The following CCNJL variants were observed in gnomAD, a reference collection of about 807,000 sequenced individuals.
CCNJL encodes the protein cyclin J like, also known as cyclin-J-like protein.
A neutral mutation model predicts 33.4 loss-of-function variants in CCNJL; 33 were observed. The observed-to-expected ratio is 0.99, with a 90% confidence interval of 0.75 to 1.32. The LOEUF (loss-of-function observed/expected upper bound fraction) is 1.32, where lower values mean the gene tolerates loss of function less well. Among genes scored for constraint, CCNJL ranks in the 40% most tolerant of loss-of-function variants. CCNJL has a pLI of 0.00. For synonymous variants in CCNJL, 227 were observed against 220.9 expected (o/e 1.03, Z -0.24); for missense variants, 512 against 499.7 (o/e 1.02, Z -0.23).
chr5:160,335,250 G>A (rs1039139544), intron 1 of CCNJL, among the ~76,000 whole-genome samples: 7 of 152,164 alleles, frequency 4.6e-5, no homozygotes, highest in East Asian at 1.9e-4. Flanking sequence ...GCAAGAGAGC[G>A]AGACTCCATC....
intron 1 of CCNJL, among the ~76,000 whole-genome samples, chr5:160,334,773 C>T (rs181028484): frequency 3.3e-5 from 5 of 152,364 alleles, no homozygotes; most frequent in Admixed American, 3.3e-4. Context: ...GGCATCAGAT[C>T]CACCTGGAGG....
intron 3 of CCNJL, among the ~76,000 whole-genome samples, chr5:160,262,516 TG>T (rs1761384939): frequency 6.6e-6 from 1 of 152,198 alleles, no homozygotes; most frequent in African/African-American, 2.4e-5. Context: ...TATTTGCTTA[TG>T]TTGTAGGACC....
intron 1 of CCNJL, among the ~76,000 whole-genome samples, chr5:160,321,059 TTTC>T (rs1763453616): frequency 1.6e-5 from 2 of 126,328 alleles, no homozygotes; most frequent in African/African-American, 8.1e-5. Context: ...TCTTTCTTTC[TTTC>T]TTTCTTTCTT....
chr5:160,263,363 A>T (rs1761431809), intron 3 of CCNJL, among the ~76,000 whole-genome samples: 1 of 152,216 alleles, frequency 6.6e-6, no homozygotes. Context: ...GGTCCTAAAA[A>T]TGCCTTTTAT....
chr5:160,270,965 C>A (rs1029759058), intron 3 of CCNJL, among the ~76,000 whole-genome samples: 3 of 152,116 alleles, frequency 2.0e-5, no homozygotes, highest in Non-Finnish European at 4.4e-5. Context: ...AGAAAAGTCC[C>A]AGAAACCTCA....
chr5:160,253,666 C>T lies in CCNJL; in HGVS notation c.876G>A (p.Ala292=), dbSNP rs370674819. ...GGGTCTGGAACTGTGCCAGGGTGGT[C>T]GCTGGCTGGCCGAGGGCCGGGTAGG... ...PPAYPALGQP[A]TTLAQFQTPV... Residue 292 remains alanine, a synonymous_variant, in exon 6 of 6, where the codon GCG becomes GCA. Transcript: ENST00000257536. The T allele has an allele frequency of 1.6e-5, 26 of 1,608,368 alleles. No individual in the cohort carries two copies. The highest frequency in any genetic ancestry group is 2.0e-5 in the Non-Finnish European group (23 of 1,176,308).
intron 3 of CCNJL, among the ~76,000 whole-genome samples, chr5:160,274,196 C>T (rs747983324): frequency 2.6e-5 from 4 of 151,874 alleles, no homozygotes; most frequent in African/African-American, 9.7e-5. Context: ...TGGTGGCTCA[C>T]GTTTGTAATC....
intron 4 of CCNJL, among the ~76,000 whole-genome samples, chr5:160,255,966 G>A (rs761424448): frequency 1.3e-5 from 2 of 152,154 alleles, no homozygotes. Context: ...ACAGCTCACT[G>A]CAGCCTCAAC....
chr5:160,317,473 G>A (rs1257609239), upstream of CCNJL, among the ~76,000 whole-genome samples: 4 of 152,212 alleles, frequency 2.6e-5, no homozygotes. Context: ...AGCATGCAGG[G>A]AGCAGAGGAG....
intron 2 of CCNJL, among the ~76,000 whole-genome samples, chr5:160,299,416 T>C (rs1223545116): frequency 6.6e-6 from 1 of 151,958 alleles, no homozygotes; most frequent in Non-Finnish European, 1.5e-5. Flanking sequence ...CCTCCCAAAG[T>C]GCTGGGATTA....
intron 3 of CCNJL, among the ~76,000 whole-genome samples, chr5:160,272,896 T>C (rs1761887212): frequency 6.6e-6 from 1 of 152,126 alleles, no homozygotes; most frequent in African/African-American, 2.4e-5. Context: ...AGCCAGTCAC[T>C]GTACAGCAGT....
At chr5:160,305,337 C>T (rs894567066) in intron 2 of CCNJL, among the ~76,000 whole-genome samples, 4 of 152,172 alleles carry the variant, frequency 2.6e-5, no homozygotes, top group African/African-American at 2.4e-5. Context: ...GTTCGGCAAG[C>T]GGGGGGGCCC....
At chr5:160,254,323 T>C in intron 5 of CCNJL, 3 of 670,734 alleles carry the variant, frequency 4.5e-6, no homozygotes, top group Non-Finnish European at 8.1e-6. Context: ...GGATTTTTCA[T>C]CTGAAAAGGG....
chr5:160,305,450 C>T (rs1763062569), intron 2 of CCNJL, among the ~76,000 whole-genome samples: 1 of 152,212 alleles, frequency 6.6e-6, no homozygotes, highest in Non-Finnish European at 1.5e-5. Flanking sequence ...GGCATGGCCA[C>T]TCACCAGGGC....
chr5:160,338,386 C>A (rs1022077811), intron 1 of CCNJL, among the ~76,000 whole-genome samples: 1 of 118,718 alleles, frequency 8.4e-6, no homozygotes, highest in East Asian at 2.4e-4. Flanking sequence ...AGAGTGAGAC[C>A]CTGTCCCCCT....
At chr5:160,296,783 C>T (rs547932267) in intron 2 of CCNJL, among the ~76,000 whole-genome samples, 3 of 152,190 alleles carry the variant, frequency 2.0e-5, no homozygotes, top group African/African-American at 4.8e-5. Flanking sequence ...AACTTCACAC[C>T]TGTCTCTGCC....
chr5:160,269,158 C>T (rs1006991082), intron 3 of CCNJL, among the ~76,000 whole-genome samples: 3 of 152,208 alleles, frequency 2.0e-5, no homozygotes, highest in Admixed American at 2.0e-4. Context: ...GGGTCACCCA[C>T]GGGCTTCCCT....
Position 160,259,811 on chromosome 5 carries a change from T to C in CCNJL, c.281-40A>G, listed in dbSNP as rs775124929. The stretch of plus-strand genomic sequence containing the variant: ...GGGAAGCAGGGGTTACTGGAAGACA[T>C]TTACCTGAACCCAGGAAGCTAACGG... On this transcript the variant is annotated intron_variant, in intron 3 of 5. Coordinates refer to ENST00000257536, the MANE Select transcript of CCNJL (RefSeq NM_001308173.3). 179 of 1,542,368 alleles carry C rather than the reference T, an allele frequency of 1.2e-4. 1 individual carries two copies. In the East Asian group the frequency reaches 3.8e-3, roughly 33 times the overall value.
At chr5:160,326,737 G>A in intron 1 of CCNJL, 1 of 906,926 alleles carries the variant, frequency 1.1e-6, no homozygotes. Context: ...AGGTTATGGT[G>A]CAGCCCATCA....
Sources: allele counts gnomAD v4.1 joint callset (sites outside exome capture counted in the v4.1 genomes callset), GRCh38; gene constraint gnomAD v4.1.1; transcripts MANE v1.5; gene names NCBI Gene and HGNC (gene_info 2026-07-23, HGNC 2026-07-21).